The following ATAD1 variants were observed in gnomAD, a reference collection of about 807,000 sequenced individuals.
The protein encoded by ATAD1 is ATPase family AAA domain containing 1, also known as outer mitochondrial transmembrane helix translocase.
ATAD1 carries 18 observed loss-of-function variants against 42.7 expected under a neutral mutation model. The observed-to-expected ratio is 0.42, with a 90% CI of 0.29 to 0.63. The LOEUF (loss-of-function observed/expected upper bound fraction) is 0.63. Among genes scored for constraint, ATAD1 ranks in the 20% least tolerant of loss-of-function variants. ATAD1 has a pLI of 0.19. For missense variants in ATAD1, 294 were observed against 440.4 expected (o/e 0.67, Z 2.98); for synonymous variants, 132 against 143.1 (o/e 0.92, Z 0.55).
intron 4 of ATAD1, among the ~76,000 whole-genome samples, chr10:87,786,673 T>A (rs1564758045): frequency 2.6e-5 from 4 of 152,328 alleles, no homozygotes. Flanking sequence ...TAAACTGCTT[T>A]ATCCCCATTC....
intron 5 of ATAD1, among the ~76,000 whole-genome samples, chr10:87,779,891 A>T (rs12256039): frequency 2.0e-5 from 3 of 152,220 alleles, no homozygotes; most frequent in South Asian, 2.1e-4. Flanking sequence ...AAAATGGTAC[A>T]GCCACTTTGG....
intron 8 of ATAD1, among the ~76,000 whole-genome samples, chr10:87,764,164 T>C (rs147392489): frequency 1.2e-4 from 18 of 145,554 alleles, no homozygotes; most frequent in Admixed American, 3.4e-4. Context: ...GTAGTGGCTA[T>C]AAAAAAAAAA....
chr10:87,764,657 G>GCTGTC (rs910534738), intron 8 of ATAD1, among the ~76,000 whole-genome samples: 46 of 152,252 alleles, frequency 3.0e-4, no homozygotes, highest in African/African-American at 1.1e-3. Flanking sequence ...ATGAAGCTGT[G>GCTGTC]CTGTCCTGTC....
rs77655436 is a variant in ATAD1 at position 87,792,619 on chromosome 10, C to T, written c.261+38G>A. 3.9e-4 allele frequency: 501 copies of T among 1,289,410 alleles called. 6 individuals are homozygous for T. In the East Asian group the frequency reaches 0.011, roughly 29 times the overall value. The allele number at this position is 1,289,410 out of a possible 1,614,324, so 79.9% of individuals were successfully genotyped here. A position where few individuals can be genotyped will look rare whatever the true frequency, so the allele number is the denominator to read the frequency against. On this transcript the variant is annotated intron_variant, in intron 3 of 9. Coordinates refer to ENST00000680024, the MANE Select transcript of ATAD1 (RefSeq NM_001321967.2). The stretch of plus-strand genomic sequence containing the variant: ...CACAAAATGCTAGAACCCACCCCCA[C>T]CTCTAAAAAAATCTTAAATAAGATT...
chr10:87,808,560 CA>C (rs548362846), intron 2 of ATAD1, among the ~76,000 whole-genome samples: 10 of 152,012 alleles, frequency 6.6e-5, no homozygotes, highest in Non-Finnish European at 1.3e-4. Flanking sequence ...AAAGAAAACA[CA>C]AAAAACAAAA....
intron 1 of ATAD1, among the ~76,000 whole-genome samples, chr10:87,830,174 T>C (rs1857802877): frequency 6.6e-6 from 1 of 152,128 alleles, no homozygotes; most frequent in African/African-American, 2.4e-5. Context: ...GGAAAGCAAA[T>C]GCAAGCAGCA....
intron 4 of ATAD1, among the ~76,000 whole-genome samples, chr10:87,788,067 T>A (rs918649034): frequency 6.6e-6 from 1 of 152,218 alleles, no homozygotes; most frequent in African/African-American, 2.4e-5. Context: ...TTTTTAAATA[T>A]AACCGTCAAT....
intron 2 of ATAD1, among the ~76,000 whole-genome samples, chr10:87,812,131 C>T (rs1048824707): frequency 6.6e-6 from 1 of 152,198 alleles, no homozygotes; most frequent in African/African-American, 2.4e-5. Flanking sequence ...ACCAACAGAT[C>T]TTGCTTCTAG....
chr10:87,768,782 G>A (rs998496345), intron 7 of ATAD1, among the ~76,000 whole-genome samples: 1 of 152,078 alleles, frequency 6.6e-6, no homozygotes, highest in Admixed American at 6.6e-5. Context: ...CTATTGTACT[G>A]TACATCAAAA....
chr10:87,770,422 G>T (rs1426821040), intron 7 of ATAD1, among the ~76,000 whole-genome samples: 1 of 152,122 alleles, frequency 6.6e-6, no homozygotes, highest in East Asian at 1.9e-4. Flanking sequence ...AACAAAAAAT[G>T]CTAGAAAGAA....
intron 5 of ATAD1, among the ~76,000 whole-genome samples, chr10:87,781,985 C>A (rs1459150311): frequency 6.6e-6 from 1 of 151,472 alleles, no homozygotes; most frequent in East Asian, 1.9e-4. Flanking sequence ...TTGCAACATG[C>A]AAATATATAC....
At chr10:87,789,027 A>G (rs1349154135) in intron 4 of ATAD1, among the ~76,000 whole-genome samples, 2 of 152,182 alleles carry the variant, frequency 1.3e-5, no homozygotes, top group African/African-American at 4.8e-5. Flanking sequence ...GTTAACTGTC[A>G]TCCTCCACTT....
At chr10:87,831,773 C>T (rs890059192) in intron 1 of ATAD1, among the ~76,000 whole-genome samples, 1 of 152,208 alleles carries the variant, frequency 6.6e-6, no homozygotes, top group African/African-American at 2.4e-5. Context: ...CTGTGACTGA[C>T]AAGTGGTTAA....
chr10:87,791,928 T>C (rs1856140899), intron 3 of ATAD1, among the ~76,000 whole-genome samples: 1 of 152,224 alleles, frequency 6.6e-6, no homozygotes, highest in Non-Finnish European at 1.5e-5. Context: ...ACCTGGGATT[T>C]AGTATCCTGT....
intron 6 of ATAD1, among the ~76,000 whole-genome samples, chr10:87,771,642 G>A (rs1855036293): frequency 6.6e-6 from 1 of 151,578 alleles, no homozygotes; most frequent in Non-Finnish European, 1.5e-5. Context: ...TTTAAACAAA[G>A]ATAACAGAGT....
At chr10:87,782,875 G>C (rs1589500857) in intron 5 of ATAD1, among the ~76,000 whole-genome samples, 1 of 151,958 alleles carries the variant, frequency 6.6e-6, no homozygotes, top group South Asian at 2.1e-4. Context: ...GTACACGCCT[G>C]TATTCTCAGC....
intron 6 of ATAD1, among the ~76,000 whole-genome samples, chr10:87,775,514 T>TAAA (rs5786793): frequency 2.7e-5 from 3 of 110,582 alleles, no homozygotes; most frequent in African/African-American, 1.0e-4. Context: ...AGTGATTCAT[T>TAAA]AAAAAAAAAA....
intron 6 of ATAD1, among the ~76,000 whole-genome samples, chr10:87,771,952 C>T (rs1855051639): frequency 6.6e-6 from 1 of 152,046 alleles, no homozygotes; most frequent in Non-Finnish European, 1.5e-5. Flanking sequence ...CCTTATTTCT[C>T]CCTAAGAGGT....
intron 8 of ATAD1, among the ~76,000 whole-genome samples, chr10:87,762,262 T>C (rs1478116635): frequency 6.6e-6 from 1 of 152,216 alleles, no homozygotes; most frequent in African/African-American, 2.4e-5. Context: ...ATGGTTTAAA[T>C]TAAATAACTG....
Sources: allele counts gnomAD v4.1 joint callset (sites outside exome capture counted in the v4.1 genomes callset), GRCh38; gene constraint gnomAD v4.1.1; transcripts MANE v1.5; gene names NCBI Gene and HGNC (gene_info 2026-07-23, HGNC 2026-07-21).